The following MYCBP2 variants were observed in gnomAD, a reference collection of about 807,000 sequenced individuals.
MYCBP2 encodes MYC binding protein 2, also known as E3 ubiquitin-protein ligase MYCBP2.
Under a neutral mutation model 525.3 loss-of-function variants are expected in MYCBP2, and 120 were observed. The ratio of observed to expected loss-of-function variants is 0.23; its 90% confidence interval spans 0.20 to 0.27. The LOEUF is 0.27. MYCBP2 is among the 10% of genes least tolerant of loss of function. The probability of loss-of-function intolerance (pLI) is 1.00; values close to 1 mark genes in which losing one functional copy is unlikely to be tolerated. For synonymous variants in MYCBP2, 1,894 were observed against 1,955.8 expected (o/e 0.97, Z 0.83); for missense variants, 4,149 against 5,657.1 (o/e 0.73, Z 8.55).
chr13:77,078,921 C>T, intron 65 of MYCBP2, 32 bp from the exon 66 acceptor site: 4 of 1,541,746 alleles, frequency 2.6e-6, no homozygotes, highest in Non-Finnish European at 3.6e-6. Flanking sequence ...AGTTAATATG[C>T]TATATTCCTG....
chr13:77,291,970 T>C (rs1720472805), intron 2 of MYCBP2, among the ~76,000 whole-genome samples: 1 of 152,220 alleles, frequency 6.6e-6, no homozygotes, highest in Non-Finnish European at 1.5e-5. Flanking sequence ...CACAGAGCAA[T>C]GGACCATGCC....
intron 55 of MYCBP2, among the ~76,000 whole-genome samples, chr13:77,117,200 T>C (rs186347183): frequency 6.6e-6 from 1 of 152,226 alleles, no homozygotes; most frequent in Non-Finnish European, 1.5e-5. Flanking sequence ...GAAAAAACTA[T>C]TTCGCACATG....
intron 21 of MYCBP2, among the ~76,000 whole-genome samples, chr13:77,213,063 C>A (rs1411629638): frequency 2.0e-5 from 3 of 152,064 alleles, no homozygotes; most frequent in Admixed American, 2.0e-4. Flanking sequence ...CTGGACAGAA[C>A]CAGGGAAGGA....
intron 19 of MYCBP2, among the ~76,000 whole-genome samples, chr13:77,225,145 A>C (rs1053736643): frequency 1.3e-5 from 2 of 152,196 alleles, no homozygotes; most frequent in Non-Finnish European, 2.9e-5. Flanking sequence ...AGCATTCTAG[A>C]ACTGAAAGAG....
At chr13:77,061,363 T>C (rs2039266010) in intron 75 of MYCBP2, 62 bp from the exon 76 acceptor site, 1 of 1,345,112 alleles carries the variant, frequency 7.4e-7, no homozygotes, top group South Asian at 1.5e-5. Flanking sequence ...AGGGAGAGTA[T>C]AAAATTTAAT....
chr13:77,201,699 G>A (rs1398342723), intron 26 of MYCBP2, among the ~76,000 whole-genome samples: 2 of 151,812 alleles, frequency 1.3e-5, no homozygotes, highest in South Asian at 4.2e-4. Flanking sequence ...CTGTCTCTCA[G>A]ACCACAGTGC....
chr13:77,142,305 G>C (rs1326050032), intron 49 of MYCBP2, among the ~76,000 whole-genome samples: 8 of 152,048 alleles, frequency 5.3e-5, no homozygotes, highest in Non-Finnish European at 8.8e-5. Context: ...GTCTTACCCA[G>C]GAAAATGTAT....
chr13:77,242,732 G>T (rs1412285182), intron 17 of MYCBP2, among the ~76,000 whole-genome samples: 1 of 152,184 alleles, frequency 6.6e-6, no homozygotes, highest in African/African-American at 2.4e-5. Flanking sequence ...CAAGTTGTGA[G>T]AATATCTATT....
chr13:77,273,382 A>C lies in MYCBP2; in HGVS notation c.945+90T>G, dbSNP rs949045250. On this transcript the variant is annotated intron_variant, in intron 5 of 82. Transcript: ENST00000544440. ...ACAGATTAAGCTACTGTAATGAGTG[A>C]GAAAAAGCAGAATTCCTATTGACAG... The C allele has an allele frequency of 4.4e-6, 5 of 1,144,920 alleles. No homozygotes were observed. The African/African-American group carries it at 7.8e-5, about 18-fold the overall frequency. 70.9% of individuals were successfully genotyped at this position (1,144,920 alleles called of 1,614,324 possible). A position where few individuals can be genotyped will look rare whatever the true frequency, so the allele number is the denominator to read the frequency against.
In MYCBP2 at chr13:77,295,412, G is replaced by A. The variant is rs1326679778; in HGVS notation, c.378+1187C>T. On this transcript the variant is annotated intron_variant, in intron 2 of 82. Coordinates refer to ENST00000544440, the MANE Select transcript of MYCBP2 (RefSeq NM_015057.5). ...CTCCCAAAGTGCGGGGATTACAGGCGTGAGCCACTGCACCCAGCCAATGAT... is the reference window on the plus strand; with the variant it reads ...CTCCCAAAGTGCGGGGATTACAGGCATGAGCCACTGCACCCAGCCAATGAT... 3.3e-5 allele frequency among the ~76,000 whole-genome samples: 5 copies of A among 152,174 alleles called. No individual in the cohort carries two copies. In the South Asian group the frequency reaches 8.3e-4, roughly 25 times the overall value.
intron 55 of MYCBP2, among the ~76,000 whole-genome samples, chr13:77,106,461 T>C (rs2047867412): frequency 1.3e-5 from 2 of 152,242 alleles, no homozygotes; most frequent in African/African-American, 4.8e-5. Flanking sequence ...TACATTATAT[T>C]CAGGAGGCTA....
rs1007292604 is a variant in MYCBP2, at chr13:77,098,604, T to C, written c.8550A>G (p.Leu2850=). The C allele has an allele frequency of 2.5e-6, 4 of 1,613,564 alleles. No individual in the cohort carries two copies. The highest frequency in any genetic ancestry group is 2.2e-5 in the East Asian group (1 of 44,850). ...TAACAGGAGCAGTACTTTTTTGAGG[T>C]AGATTTTTATCATGTGGTGAGGAGG... ...PRSSSPHDKN[L]PQKSTAPVKT... is the part of the protein sequence containing the mutation. Residue 2850 remains leucine (L), a synonymous_variant, in exon 56 of 83, where the codon CTA becomes CTG. Coordinates refer to ENST00000544440, the MANE Select transcript of MYCBP2 (RefSeq NM_015057.5).
chr13:77,110,153 C>T (rs934872953), intron 55 of MYCBP2: 1 of 152,216 alleles, frequency 6.6e-6, no homozygotes, highest in Non-Finnish European at 1.5e-5. Context: ...TTTCTTCTTA[C>T]AGAGAGCCTA....
intron 79 of MYCBP2, among the ~76,000 whole-genome samples, chr13:77,056,102 G>T (rs1307508826): frequency 7.8e-5 from 4 of 50,992 alleles, no homozygotes; most frequent in African/African-American, 2.3e-4. Flanking sequence ...TGTGTTTGGT[G>T]TGTGTGTGTG....
intron 57 of MYCBP2, among the ~76,000 whole-genome samples, chr13:77,096,066 C>G (rs1437993785): frequency 6.6e-6 from 1 of 151,778 alleles, no homozygotes; most frequent in East Asian, 1.9e-4. Flanking sequence ...AGTTACACAA[C>G]AAATATTTGT....
At position 77,190,693 on chromosome 13, in the gene MYCBP2, AGTCTGAATGAACT is replaced by A. The variant is rs368699605; in HGVS notation, c.4071-371_4071-359del. 8.9e-3 allele frequency among the ~76,000 whole-genome samples: 1,353 copies of A among 152,296 alleles called. 22 individuals carry two copies. Among genetic ancestry groups the A allele is most frequent in the African/African-American group, 0.031 (1,293 of 41,566 alleles). ...AGCCTCAGTGTGCCATGACATTCCAAGTCTGAATGAACTGTCTATGAAAATCATACAGTCCAGG... is the reference window on the plus strand; with the variant it reads ...AGCCTCAGTGTGCCATGACATTCCAAGTCTATGAAAATCATACAGTCCAGG... On this transcript the variant is annotated intron_variant, in intron 28 of 82. Coordinates refer to ENST00000544440, the MANE Select transcript of MYCBP2 (RefSeq NM_015057.5).
chr13:77,176,542 G>T lies in MYCBP2; in HGVS notation c.5427C>A (p.Pro1809=). Reference sequence around the variant, plus strand: ...CAAGTCTGATCTCAGCTATATCACTGGGTGAGTCATCCGTTGTGTACGTTC... The same window carrying T: ...CAAGTCTGATCTCAGCTATATCACTTGGTGAGTCATCCGTTGTGTACGTTC... The part of the protein sequence containing the change: ...VKGTYTTDDS[P]SDIAEIRLDK... Residue 1809 remains proline, a synonymous_variant, in exon 36 of 83, where the codon CCC becomes CCA. Transcript: ENST00000544440. The T allele has an allele frequency of 6.3e-7, 1 of 1,598,982 alleles. No homozygotes were observed. The highest frequency in any genetic ancestry group is 8.5e-7 in the Non-Finnish European group (1 of 1,170,338).
At chr13:77,159,997 A>G (rs537398399) in intron 44 of MYCBP2, among the ~76,000 whole-genome samples, 3 of 152,124 alleles carry the variant, frequency 2.0e-5, no homozygotes, top group South Asian at 4.2e-4. Flanking sequence ...TAAAACTCAG[A>G]CGTTTCTTAA....
chr13:77,225,472 G>T lies in MYCBP2; in HGVS notation c.2820C>A (p.Leu940=). 6.2e-7 allele frequency: 1 copy of T among 1,613,776 alleles called. No individual in the cohort carries two copies. Among genetic ancestry groups the T allele is most frequent in the Non-Finnish European group, 8.5e-7 (1 of 1,179,794 alleles). ...ATCCACAGCTGACTTGGACTGCCCG[G>T]AGCTCACAGTCAAATCGCACAGAGC... The part of the protein sequence containing the change: ...PPGSVRFDCE[L]RAVQVSCGFH... Residue 940 remains leucine (L), a synonymous_variant, in exon 19 of 83, where the codon CTC becomes CTA. Coordinates refer to ENST00000544440, the MANE Select transcript of MYCBP2 (RefSeq NM_015057.5).
Sources: allele counts gnomAD v4.1 joint callset (sites outside exome capture counted in the v4.1 genomes callset), GRCh38; gene constraint gnomAD v4.1.1; transcripts MANE v1.5; gene names NCBI Gene and HGNC (gene_info 2026-07-23, HGNC 2026-07-21).